RORB: variants seen among roughly 807,000 people sequenced by gnomAD.
RORB encodes RAR related orphan receptor B.
A neutral mutation model predicts 59.1 loss-of-function variants in RORB; 6 were observed. The ratio of observed to expected loss-of-function variants is 0.10; its 90% CI spans 0.06 to 0.20. The LOEUF (loss-of-function observed/expected upper bound fraction) is 0.20, where lower values mean the gene tolerates loss of function less well. Among genes scored for constraint, RORB ranks in the 10% least tolerant of loss-of-function variants. RORB has a pLI of 1.00. For missense variants in RORB, 320 were observed against 560.5 expected (o/e 0.57, Z 4.33); for synonymous variants, 215 against 204.5 (o/e 1.05, Z -0.44).
intron 2 of RORB, among the ~76,000 whole-genome samples, chr9:74,632,055 A>G (rs1245168166): frequency 6.6e-6 from 1 of 152,184 alleles, no homozygotes; most frequent in African/African-American, 2.4e-5. Context: ...TTAGATCAAT[A>G]TCAAAATGGA....
chr9:74,498,022 G>A (rs200653367), intron 1 of RORB, 39 bp downstream of exon 1: 4 of 1,601,562 alleles, frequency 2.5e-6, no homozygotes, highest in South Asian at 1.1e-5. Context: ...CCCGAGTCCG[G>A]CCAACTCCAG....
chr9:74,524,304 T>C (rs564622726), intron 1 of RORB, among the ~76,000 whole-genome samples: 5 of 151,846 alleles, frequency 3.3e-5, no homozygotes, highest in African/African-American at 9.6e-5. Flanking sequence ...AAGAGCAATA[T>C]CCAAAAAGTG....
At chr9:74,554,090 A>C (rs919981944) in intron 1 of RORB, among the ~76,000 whole-genome samples, 12 of 152,182 alleles carry the variant, frequency 7.9e-5, no homozygotes, top group Non-Finnish European at 1.6e-4. Flanking sequence ...TGGTGCTTTA[A>C]CAAGCCCTTT....
intron 1 of RORB, among the ~76,000 whole-genome samples, chr9:74,574,709 C>A (rs1164823975): frequency 6.6e-6 from 1 of 152,068 alleles, no homozygotes; most frequent in East Asian, 1.9e-4. Context: ...ACCCTGCAAC[C>A]TGAAAACATC....
chr9:74,567,739 G>A (rs1157976512), intron 1 of RORB, among the ~76,000 whole-genome samples: 2 of 152,152 alleles, frequency 1.3e-5, no homozygotes, highest in Admixed American at 1.3e-4. Context: ...ACTTATGAAA[G>A]ATAAAGACTC....
chr9:74,548,794 T>C (rs537275451), intron 1 of RORB, among the ~76,000 whole-genome samples: 3 of 152,344 alleles, frequency 2.0e-5, no homozygotes, highest in African/African-American at 7.2e-5. Flanking sequence ...CTATACATAA[T>C]ACCGTAAACA....
At chr9:74,523,522 A>G (rs1302527452) in intron 1 of RORB, among the ~76,000 whole-genome samples, 1 of 151,936 alleles carries the variant, frequency 6.6e-6, no homozygotes, top group Non-Finnish European at 1.5e-5. Context: ...TTTACAAGCC[A>G]TGGATCTGAT....
intron 3 of RORB, among the ~76,000 whole-genome samples, chr9:74,639,634 G>T (rs1823762258): frequency 2.0e-5 from 3 of 151,850 alleles, no homozygotes; most frequent in Non-Finnish European, 4.4e-5. Context: ...AAGTCGGAAA[G>T]TAGATCTACC....
intron 1 of RORB, among the ~76,000 whole-genome samples, chr9:74,501,340 G>A (rs959106207): frequency 5.9e-5 from 9 of 152,166 alleles, no homozygotes; most frequent in Admixed American, 5.9e-4. Flanking sequence ...TGCTCTCAGA[G>A]GTATGGCAGC....
chr9:74,644,768 A>C (rs780209512), intron 4 of RORB, among the ~76,000 whole-genome samples: 9 of 152,212 alleles, frequency 5.9e-5, no homozygotes, highest in Non-Finnish European at 1.3e-4. Flanking sequence ...ACAACAGTGG[A>C]GCAATCTTCT....
intron 9 of RORB, 86 bp downstream of exon 9, chr9:74,671,987 C>A: frequency 1.5e-6 from 1 of 677,730 alleles, no homozygotes; most frequent in South Asian, 2.1e-5. Context: ...GGAAATTTCT[C>A]AGCAGCAACA....
At chr9:74,669,167 G>A (rs145596660) in intron 8 of RORB, among the ~76,000 whole-genome samples, 4 of 152,312 alleles carry the variant, frequency 2.6e-5, no homozygotes, top group African/African-American at 4.8e-5. Context: ...GAACTGTAGT[G>A]AGTAAAATAT....
chr9:74,641,622 C>T (rs1227003116), intron 3 of RORB, among the ~76,000 whole-genome samples: 4 of 152,084 alleles, frequency 2.6e-5, no homozygotes, highest in South Asian at 4.1e-4. Flanking sequence ...TCGGCCTGGC[C>T]GGGTGCAGTG....
intron 4 of RORB, among the ~76,000 whole-genome samples, chr9:74,646,129 CAAA>C (rs33997487): frequency 5.4e-5 from 8 of 148,408 alleles, no homozygotes; most frequent in African/African-American, 1.7e-4. Context: ...TATGTCACAC[CAAA>C]AAAAAAAAAA....
chr9:74,565,489 G>A (rs1822455968), intron 1 of RORB, among the ~76,000 whole-genome samples: 1 of 152,080 alleles, frequency 6.6e-6, no homozygotes, highest in African/African-American at 2.4e-5. Flanking sequence ...GCAAATATCA[G>A]CATCAAAATT....
intron 1 of RORB, among the ~76,000 whole-genome samples, chr9:74,606,738 T>C (rs1823155284): frequency 6.6e-6 from 1 of 152,224 alleles, no homozygotes; most frequent in Non-Finnish European, 1.5e-5. Flanking sequence ...TTAACACTAA[T>C]GACTGTACCT....
At chr9:74,582,555 G>A (rs7027073) in intron 1 of RORB, among the ~76,000 whole-genome samples, 150,238 of 152,268 alleles carry the variant, frequency 0.99, 74,148 homozygotes, top group Middle Eastern at 1. Flanking sequence ...TTTGGCCCTT[G>A]CAGTATCCTT....
intron 1 of RORB, among the ~76,000 whole-genome samples, chr9:74,503,606 C>T (rs1378042360): frequency 6.6e-6 from 1 of 151,918 alleles, no homozygotes; most frequent in East Asian, 1.9e-4. Flanking sequence ...CATTATACTA[C>T]CTAATGATAA....
rs1587368383 is a variant in RORB, at chr9:74,580,371, C to T, written c.8-49911C>T. ...TTTGCTAACCCAATGTTACCTTTTG[C>T]CAAGATTTGCATGGATACTCAAGAA... is the stretch of plus-strand genomic sequence containing the variant. On this transcript the variant is annotated intron_variant, in intron 1 of 9. Transcript: ENST00000376896. 2.0e-5 allele frequency among the ~76,000 whole-genome samples: 3 copies of T among 152,196 alleles called. No homozygotes were observed. The East Asian group carries it at 5.8e-4, about 29-fold the overall frequency.
Sources: allele counts gnomAD v4.1 joint callset (sites outside exome capture counted in the v4.1 genomes callset), GRCh38; gene constraint gnomAD v4.1.1; transcripts MANE v1.5; gene names NCBI Gene and HGNC (gene_info 2026-07-23, HGNC 2026-07-21).